MPZL1: variants seen among roughly 807,000 people sequenced by gnomAD.
MPZL1 encodes the protein myelin protein zero like 1.
In MPZL1, 16 loss-of-function variants were observed where a neutral mutation model predicts 29.3. The observed-to-expected ratio is 0.55, with a 90% CI of 0.37 to 0.83. The LOEUF (loss-of-function observed/expected upper bound fraction) is 0.83. Among genes scored for constraint, MPZL1 ranks in the 40% least tolerant of loss-of-function variants. MPZL1 has a pLI of 0.00. For missense variants in MPZL1, 279 were observed against 332.9 expected (o/e 0.84, Z 1.26); for synonymous variants, 143 against 132.0 (o/e 1.08, Z -0.57).
chr1:167,739,067 G>A (rs1031126500), intron 1 of MPZL1, among the ~76,000 whole-genome samples: 1 of 151,472 alleles, frequency 6.6e-6, no homozygotes, highest in African/African-American at 2.4e-5. Context: ...TCAGTCTCGC[G>A]AGTAGCTGGG....
At chr1:167,776,291 CAAAG>C (rs755310831) in intron 5 of MPZL1, 125 bp downstream of exon 5, 20 of 605,256 alleles carry the variant, frequency 3.3e-5, no homozygotes, top group African/African-American at 5.7e-5. Context: ...CAGACAGAGA[CAAAG>C]AGAGAGTGGG....
At chr1:167,744,980 C>A (rs1277446789) in intron 1 of MPZL1, among the ~76,000 whole-genome samples, 1 of 152,136 alleles carries the variant, frequency 6.6e-6, no homozygotes, top group East Asian at 1.9e-4. Flanking sequence ...CATATGTGCA[C>A]CAGGACGGTA....
At chr1:167,739,293 A>ATATATATATATATATATG (rs1660461300) in intron 1 of MPZL1, among the ~76,000 whole-genome samples, 1 of 112,402 alleles carries the variant, frequency 8.9e-6, no homozygotes, top group Non-Finnish European at 1.7e-5. Flanking sequence ...ATATATATAT[A>ATATATATATATATATATG]TATATATATA....
At chr1:167,751,067 C>G (rs1000855858) in intron 1 of MPZL1, among the ~76,000 whole-genome samples, 7 of 152,186 alleles carry the variant, frequency 4.6e-5, no homozygotes, top group African/African-American at 1.7e-4. Flanking sequence ...ATTTGTTCCA[C>G]TGCTGGTGAT....
chr1:167,753,219 G>T (rs1660793196), intron 1 of MPZL1, among the ~76,000 whole-genome samples: 1 of 152,172 alleles, frequency 6.6e-6, no homozygotes, highest in African/African-American at 2.4e-5. Flanking sequence ...TGTGAGTATA[G>T]CCCTGAGGTA....
At chr1:167,739,407 C>T (rs1322587306) in intron 1 of MPZL1, among the ~76,000 whole-genome samples, 3 of 150,580 alleles carry the variant, frequency 2.0e-5, no homozygotes, top group Non-Finnish European at 4.4e-5. Flanking sequence ...AGAATGAATT[C>T]AGGTGTTTGT....
At chr1:167,751,733 TCA>T (rs1310698863) in intron 1 of MPZL1, among the ~76,000 whole-genome samples, 1 of 151,820 alleles carries the variant, frequency 6.6e-6, no homozygotes, top group Non-Finnish European at 1.5e-5. Context: ...AAAATATCCC[TCA>T]CATATCTAAA....
At chr1:167,722,322 G>T in intron 1 of MPZL1, 80 bp downstream of exon 1, 1 of 1,229,092 alleles carries the variant, frequency 8.1e-7, no homozygotes, top group South Asian at 4.2e-5. Flanking sequence ...GCGGTCGCAG[G>T]CCAGGCGCGC....
At chr1:167,777,506 C>T (rs766404658) in intron 5 of MPZL1, among the ~76,000 whole-genome samples, 12 of 151,988 alleles carry the variant, frequency 7.9e-5, no homozygotes, top group Admixed American at 1.3e-4. Flanking sequence ...ATTGAGAAGG[C>T]GGAAATCAGA....
intron 1 of MPZL1, among the ~76,000 whole-genome samples, chr1:167,727,673 T>C (rs1362422807): frequency 6.6e-6 from 1 of 152,158 alleles, no homozygotes; most frequent in East Asian, 1.9e-4. Flanking sequence ...CACTCTTACT[T>C]TGCTAAGTCG....
At chr1:167,757,927 A>T (rs1349090469) in intron 1 of MPZL1, among the ~76,000 whole-genome samples, 1 of 152,192 alleles carries the variant, frequency 6.6e-6, no homozygotes, top group Non-Finnish European at 1.5e-5. Context: ...AGGCAGGTGG[A>T]TCACTTGAGG....
intron 1 of MPZL1, among the ~76,000 whole-genome samples, chr1:167,756,220 T>G (rs1052422452): frequency 6.6e-6 from 1 of 151,930 alleles, no homozygotes; most frequent in Non-Finnish European, 1.5e-5. Context: ...ACAATCACAG[T>G]TCACTGCAGC....
rs141739201 is a variant in MPZL1 at position 167,733,618 on chromosome 1, G to T, written c.91+11376G>T. On this transcript the variant is annotated intron_variant, in intron 1 of 5. Coordinates refer to ENST00000359523, the MANE Select transcript of MPZL1 (RefSeq NM_003953.6). ...AAATTAGCTGGGCGTGATGATGCGT[G>T]CCTGTAATCCCAGCTACTCAGGAGG... is the stretch of plus-strand genomic sequence containing the variant. 4.6e-3 allele frequency among the ~76,000 whole-genome samples: 704 copies of T among 152,234 alleles called. 3 individuals are homozygous for T. The highest frequency in any genetic ancestry group is 0.013 in the African/African-American group (533 of 41,542).
At chr1:167,737,864 T>G (rs752483364) in intron 1 of MPZL1, among the ~76,000 whole-genome samples, 12 of 152,194 alleles carry the variant, frequency 7.9e-5, no homozygotes, top group Non-Finnish European at 1.5e-4. Context: ...TAGAGTAGAT[T>G]ATCTCTACAG....
chr1:167,736,469 C>T (rs1377354484), intron 1 of MPZL1, among the ~76,000 whole-genome samples: 2 of 152,128 alleles, frequency 1.3e-5, no homozygotes, highest in Non-Finnish European at 2.9e-5. Context: ...ATGCTCAGAA[C>T]TCAACTCTAT....
At chr1:167,745,963 T>A (rs115752875) in intron 1 of MPZL1, among the ~76,000 whole-genome samples, 2,117 of 152,230 alleles carry the variant, frequency 0.014, 32 homozygotes, top group South Asian at 0.051. Flanking sequence ...ATAGCCAGCA[T>A]TTTTATTTCT....
intron 1 of MPZL1, among the ~76,000 whole-genome samples, chr1:167,757,624 A>G (rs1660894016): frequency 6.6e-6 from 1 of 152,118 alleles, no homozygotes; most frequent in Non-Finnish European, 1.5e-5. Context: ...CCTCTCTTCT[A>G]GTATGTTTTA....
intron 1 of MPZL1, among the ~76,000 whole-genome samples, chr1:167,747,485 G>A (rs759959683): frequency 2.7e-4 from 41 of 152,226 alleles, no homozygotes; most frequent in Admixed American, 6.5e-5. Context: ...TCAGCCTCCC[G>A]AAGTGCTGAA....
intron 2 of MPZL1, among the ~76,000 whole-genome samples, chr1:167,771,829 G>C (rs951446557): frequency 1.4e-4 from 21 of 151,094 alleles, no homozygotes; most frequent in African/African-American, 5.1e-4. Context: ...ACTCCAGCCT[G>C]GGCAGCATTG....
Sources: allele counts gnomAD v4.1 joint callset (sites outside exome capture counted in the v4.1 genomes callset), GRCh38; gene constraint gnomAD v4.1.1; transcripts MANE v1.5; gene names NCBI Gene and HGNC (gene_info 2026-07-23, HGNC 2026-07-21).